The following CLEC16A variants were observed in gnomAD, a reference collection of about 807,000 sequenced individuals.
CLEC16A encodes the protein protein CLEC16A.
CLEC16A carries 51 observed loss-of-function variants against 109.5 expected under a neutral mutation model. The observed-to-expected ratio is 0.47, with a 90% confidence interval of 0.37 to 0.59. The LOEUF (loss-of-function observed/expected upper bound fraction) is 0.59, where lower values mean the gene tolerates loss of function less well. CLEC16A is among the 20% of genes least tolerant of loss of function. The pLI, the probability that CLEC16A is intolerant of heterozygous loss-of-function variation, is 0.00. For synonymous variants in CLEC16A, 673 were observed against 564.2 expected, an observed-to-expected ratio of 1.19 and a Z score of -2.73; for missense variants, 1,339 against 1,394.0, an observed-to-expected ratio of 0.96 and a Z score of 0.63.
chr16:11,073,833 T>A (rs909739490), intron 19 of CLEC16A, among the ~76,000 whole-genome samples: 1 of 152,256 alleles, frequency 6.6e-6, no homozygotes, highest in Admixed American at 6.5e-5. Flanking sequence ...TTGAACTGAT[T>A]AAAGCTTTAG....
At chr16:10,998,896 A>G (rs1051184167) in intron 10 of CLEC16A, among the ~76,000 whole-genome samples, 5 of 152,204 alleles carry the variant, frequency 3.3e-5, no homozygotes, top group African/African-American at 9.6e-5. Flanking sequence ...GGGTGACCGG[A>G]GCAACAGAAA....
intron 23 of CLEC16A, among the ~76,000 whole-genome samples, chr16:11,166,813 G>A (rs1331147569): frequency 1.3e-5 from 2 of 152,180 alleles, no homozygotes; most frequent in Non-Finnish European, 2.9e-5. Context: ...CAGAGCTGAT[G>A]GGCAGCAGGC....
At chr16:11,146,791 A>G (rs2054077588) in intron 22 of CLEC16A, among the ~76,000 whole-genome samples, 1 of 151,994 alleles carries the variant, frequency 6.6e-6, no homozygotes, top group South Asian at 2.1e-4. Context: ...GGATGGATGG[A>G]TGGTGGAGCC....
At chr16:10,958,163 T>G (rs1326573533) in intron 2 of CLEC16A, among the ~76,000 whole-genome samples, 3 of 152,218 alleles carry the variant, frequency 2.0e-5, no homozygotes, top group African/African-American at 7.2e-5. Context: ...TAATTTTCCT[T>G]CAGGTTGTGT....
At position 11,120,619 on chromosome 16, in the gene CLEC16A, C is replaced by T; in HGVS notation, c.2121C>T (p.Asn707=). Reference sequence around the variant, plus strand: ...TTCTCACCTTCCTCCTCCCAGATAACAGCGACTTGATTGCATGTACAGTGA... The same window carrying T: ...TTCTCACCTTCCTCCTCCCAGATAATAGCGACTTGATTGCATGTACAGTGA... ...IKTDDVLDLN[N]SDLIACTVIT... The change falls in exon 20 of 24, where the codon AAC becomes AAT. Residue 707 remains asparagine (N), a synonymous_variant. Transcript: ENST00000409790. The T allele has an allele frequency of 6.2e-7, 1 of 1,609,272 alleles. No individual in the cohort carries two copies. The highest frequency in any genetic ancestry group is 1.1e-5 in the South Asian group (1 of 90,208).
intron 22 of CLEC16A, among the ~76,000 whole-genome samples, chr16:11,160,867 T>C (rs1328566101): frequency 1.3e-5 from 2 of 152,202 alleles, no homozygotes; most frequent in African/African-American, 4.8e-5. Flanking sequence ...GTTCCAGCCA[T>C]TGCATCCATT....
chr16:11,157,309 C>T, intron 22 of CLEC16A: 1 of 1,037,578 alleles, frequency 9.6e-7, no homozygotes, highest in South Asian at 1.9e-5. Context: ...GCCATACGAA[C>T]ATCCCTTCCC....
At chr16:11,106,878 T>C (rs1311557396) in intron 19 of CLEC16A, among the ~76,000 whole-genome samples, 1 of 151,916 alleles carries the variant, frequency 6.6e-6, no homozygotes, top group African/African-American at 2.4e-5. Context: ...GGTGGCAGAG[T>C]TACCACTCAA....
In CLEC16A at chr16:11,180,938, G is replaced by C. The variant is rs1266508960; in HGVS notation, c.*2248G>C. The C allele has an allele frequency of 6.6e-6, 1 of 152,470 alleles. No homozygotes were observed. Among genetic ancestry groups the C allele is most frequent in the South Asian group, 2.1e-4 (1 of 4,838 alleles). The allele number at this position is 152,470 out of a possible 1,614,324, so 9.4% of individuals were successfully genotyped here. On this transcript the variant is annotated 3_prime_UTR_variant, in exon 24 of 24. Coordinates refer to ENST00000409790, the MANE Select transcript of CLEC16A (RefSeq NM_015226.3). ...CGGAGGATAAAAGACACTGCTCAGG[G>C]CAGGGCTTCTACCCTGCATCCCTGG...
chr16:11,057,726 T>C (rs2048281056), intron 18 of CLEC16A, among the ~76,000 whole-genome samples: 1 of 152,242 alleles, frequency 6.6e-6, no homozygotes, highest in Admixed American at 6.5e-5. Flanking sequence ...TTTGCGTCTT[T>C]ATTTAGCAAA....
intron 22 of CLEC16A, among the ~76,000 whole-genome samples, chr16:11,163,125 C>G (rs1224870094): frequency 6.6e-6 from 1 of 152,256 alleles, no homozygotes; most frequent in Non-Finnish European, 1.5e-5. Context: ...TCTGCCAAAG[C>G]TAGTTCATCA....
At chr16:11,110,735 T>TG (rs2051529930) in intron 19 of CLEC16A, among the ~76,000 whole-genome samples, 3 of 152,126 alleles carry the variant, frequency 2.0e-5, no homozygotes, top group Non-Finnish European at 4.4e-5. Flanking sequence ...CCAGATACCC[T>TG]GGGCAGTCCT....
In CLEC16A at chr16:11,179,892, G is replaced by C. The variant is rs2068905209; in HGVS notation, c.*1202G>C. ...TTCGGACTGGGTGTGTACAAGCAAG[G>C]ACCCAGATGCATCAGACACAGCCCC... On this transcript the variant is annotated 3_prime_UTR_variant, in exon 24 of 24. Transcript: ENST00000409790. 1 of 152,462 alleles carries C rather than the reference G, an allele frequency of 6.6e-6. No individual in the cohort carries two copies. The highest frequency in any genetic ancestry group is 6.5e-5 in the Admixed American group (1 of 15,286). 9.4% of individuals were successfully genotyped at this position (152,462 alleles called of 1,614,324 possible).
At chr16:10,970,069 C>G (rs1244448589) in intron 4 of CLEC16A, among the ~76,000 whole-genome samples, 1 of 152,138 alleles carries the variant, frequency 6.6e-6, no homozygotes, top group Non-Finnish European at 1.5e-5. Context: ...GGGGTTTGAA[C>G]AATAGGGTCA....
chr16:11,045,591 CAT>C (rs1456171172), intron 16 of CLEC16A, among the ~76,000 whole-genome samples: 2 of 152,088 alleles, frequency 1.3e-5, no homozygotes, highest in East Asian at 1.9e-4. Context: ...TTGCCAGCCT[CAT>C]GTGTCTTTCA....
intron 11 of CLEC16A, among the ~76,000 whole-genome samples, chr16:11,019,394 T>A (rs2045958929): frequency 1.3e-5 from 2 of 152,132 alleles, no homozygotes; most frequent in African/African-American, 4.8e-5. Flanking sequence ...AGGTTCCTAA[T>A]CTCTCTCTGC....
intron 10 of CLEC16A, among the ~76,000 whole-genome samples, chr16:10,997,658 T>C (rs1253153100): frequency 6.6e-6 from 1 of 152,214 alleles, no homozygotes; most frequent in African/African-American, 2.4e-5. Flanking sequence ...GTGCTGGTAA[T>C]AAAACAATTG....
intron 1 of CLEC16A, among the ~76,000 whole-genome samples, chr16:10,957,158 G>A (rs78118927): frequency 6.6e-6 from 1 of 152,194 alleles, no homozygotes; most frequent in African/African-American, 2.4e-5. Context: ...TTGCCCTTGG[G>A]CTGCAAACCA....
intron 15 of CLEC16A, among the ~76,000 whole-genome samples, chr16:11,042,832 TTGTC>T (rs1276697451): frequency 6.6e-6 from 1 of 151,300 alleles, no homozygotes; most frequent in African/African-American, 2.4e-5. Context: ...AGTTGACATT[TTGTC>T]TGTGTCTGTG....
Sources: allele counts gnomAD v4.1 joint callset (sites outside exome capture counted in the v4.1 genomes callset), GRCh38; gene constraint gnomAD v4.1.1; transcripts MANE v1.5; gene names NCBI Gene and HGNC (gene_info 2026-07-23, HGNC 2026-07-21).